Variants in EPHB2 observed in about 807,000 individuals in gnomAD.
EPHB2 encodes the protein EPH receptor B2.
In EPHB2, 18 loss-of-function variants were observed where a neutral mutation model predicts 96.4. The ratio of observed to expected loss-of-function variants is 0.19; its 90% CI spans 0.13 to 0.28. The LOEUF (loss-of-function observed/expected upper bound fraction) is 0.28. EPHB2 is among the 10% of genes least tolerant of loss of function. EPHB2 has a pLI of 1.00. For missense variants in EPHB2, 989 were observed against 1,355.4 expected (o/e 0.73, Z 4.25); for synonymous variants, 506 against 534.1 (o/e 0.95, Z 0.72).
intron 1 of EPHB2, among the ~76,000 whole-genome samples, chr1:22,752,130 G>C (rs978908785): frequency 6.6e-6 from 1 of 152,200 alleles, no homozygotes; most frequent in African/African-American, 2.4e-5. Flanking sequence ...GAGTGTTCTT[G>C]GAAATGTCTG....
chr1:22,782,328 A>C (rs1387945512), intron 2 of EPHB2, among the ~76,000 whole-genome samples: 1 of 152,126 alleles, frequency 6.6e-6, no homozygotes, highest in East Asian at 1.9e-4. Flanking sequence ...CATCATCATC[A>C]TTGTCATTGT....
chr1:22,716,647 A>G (rs925357012), intron 1 of EPHB2, among the ~76,000 whole-genome samples: 1 of 152,112 alleles, frequency 6.6e-6, no homozygotes, highest in Non-Finnish European at 1.5e-5. Context: ...CCTGGGACAG[A>G]TTCTATGGGC....
At chr1:22,712,835 G>A (rs1021090187) in intron 1 of EPHB2, among the ~76,000 whole-genome samples, 2 of 152,212 alleles carry the variant, frequency 1.3e-5, no homozygotes, top group African/African-American at 4.8e-5. Context: ...GCTATACATT[G>A]GGATGTTTAC....
chr1:22,825,209 G>A (rs911051022), intron 3 of EPHB2, among the ~76,000 whole-genome samples: 4 of 152,178 alleles, frequency 2.6e-5, no homozygotes, highest in East Asian at 3.8e-4. Flanking sequence ...AGCCCCATTC[G>A]TTAGTTATAC....
At chr1:22,810,276 CA>C (rs1644984617) in intron 3 of EPHB2, among the ~76,000 whole-genome samples, 1 of 152,162 alleles carries the variant, frequency 6.6e-6, no homozygotes, top group African/African-American at 2.4e-5. Flanking sequence ...CAACACCATG[CA>C]GCAGGGGCCC....
At chr1:22,879,299 G>A (rs989753929) in intron 5 of EPHB2, among the ~76,000 whole-genome samples, 6 of 152,204 alleles carry the variant, frequency 3.9e-5, no homozygotes, top group South Asian at 2.1e-4. Flanking sequence ...GGTGCTTCCC[G>A]GGCCAGCACA....
chr1:22,847,546 A>C (rs2148505079), intron 3 of EPHB2, among the ~76,000 whole-genome samples: 1 of 152,294 alleles, frequency 6.6e-6, no homozygotes, highest in South Asian at 2.1e-4. Flanking sequence ...AAGCTTTGAA[A>C]CGGGGGAGAG....
chr1:22,729,491 C>T (rs1204262931), intron 1 of EPHB2, among the ~76,000 whole-genome samples: 1 of 152,220 alleles, frequency 6.6e-6, no homozygotes, highest in Non-Finnish European at 1.5e-5. Context: ...GTGCGGCCTG[C>T]TTCCTGCCTA....
intron 3 of EPHB2, among the ~76,000 whole-genome samples, chr1:22,853,092 T>C (rs1645647228): frequency 6.6e-6 from 1 of 152,234 alleles, no homozygotes; most frequent in African/African-American, 2.4e-5. Context: ...GGCTCATGCC[T>C]GTAATCCCAG....
chr1:22,912,456 G>T lies in EPHB2; in HGVS notation c.2709G>T (p.Pro903=). The T allele has an allele frequency of 6.2e-7, 1 of 1,613,976 alleles. No individual in the cohort carries two copies. Among genetic ancestry groups the T allele is most frequent in the Non-Finnish European group, 8.5e-7 (1 of 1,180,008 alleles). Residue 903 remains proline (P), a synonymous_variant, in exon 15 of 16, where the codon CCG becomes CCT. Coordinates refer to ENST00000374630, the MANE Select transcript of EPHB2 (RefSeq NM_017449.5). ...CCCCCAACCCCAGCATCAACCTGCC[G>T]CTGCTGGACCGCACGATCCCCGACT... The part of the protein sequence containing the change: ...MAPLSSGINL[P]LLDRTIPDYT...
intron 3 of EPHB2, among the ~76,000 whole-genome samples, chr1:22,811,596 C>T (rs569752770): frequency 1.3e-5 from 2 of 152,314 alleles, no homozygotes; most frequent in Admixed American, 1.3e-4. Context: ...CATCCAGGCC[C>T]CATATGATTC....
At chr1:22,799,109 GGGT>G (rs917024499) in intron 3 of EPHB2, among the ~76,000 whole-genome samples, 3 of 152,148 alleles carry the variant, frequency 2.0e-5, no homozygotes, top group African/African-American at 7.2e-5. Flanking sequence ...CAGAATCCCT[GGGT>G]ACAAATTTGA....
rs887497231 is a variant in EPHB2, at chr1:22,906,349, C to A, written c.1888+240C>A. Among the ~76,000 whole-genome samples, 1 of 152,108 alleles carries A rather than the reference C, an allele frequency of 6.6e-6. No individual in the cohort carries two copies. Among genetic ancestry groups the A allele is most frequent in the South Asian group, 2.1e-4 (1 of 4,816 alleles). ...CTGGGAGGGGACATGCACAGTGAGTCAGAGATTGAGCTGGGTCTGGAGCCC... is the reference window on the plus strand; with the variant it reads ...CTGGGAGGGGACATGCACAGTGAGTAAGAGATTGAGCTGGGTCTGGAGCCC... On this transcript the variant is annotated intron_variant, in intron 10 of 15. Coordinates refer to ENST00000374630, the MANE Select transcript of EPHB2 (RefSeq NM_017449.5). This position sits in a 1 kb window ranked among gnomAD's most constrained non-coding sequence, Gnocchi z 4.8.
chr1:22,750,011 C>T (rs1364479583), intron 1 of EPHB2, among the ~76,000 whole-genome samples: 1 of 152,162 alleles, frequency 6.6e-6, no homozygotes, highest in Non-Finnish European at 1.5e-5. Context: ...TGTGCAAAGA[C>T]CTTAACCTGC....
In EPHB2 at chr1:22,863,130, A is replaced by G. The variant is rs765604107; in HGVS notation, c.905A>G (p.Asn302Ser). ...CGGACCACTTCTGAAGGGGCCACCA[A>G]CTGTGTCTGCCGCAATGGCTACTAC... ...NSRTTSEGAT[N>S]CVCRNGYYRA... The change falls in exon 4 of 16, where the codon AAC becomes AGC. Residue 302 changes from asparagine to serine, a missense_variant. Asn to Ser is a conservative substitution (Grantham distance 46). Transcript: ENST00000374630. The G allele has an allele frequency of 1.2e-6, 2 of 1,614,176 alleles. No individual in the cohort carries two copies. The highest frequency in any genetic ancestry group is 2.2e-5 in the South Asian group (2 of 91,088).
chr1:22,759,461 C>G (rs1029541861), intron 1 of EPHB2, among the ~76,000 whole-genome samples: 1 of 152,126 alleles, frequency 6.6e-6, no homozygotes, highest in Non-Finnish European at 1.5e-5. Context: ...CTGTCTTGCC[C>G]CAAGGGATGG....
intron 1 of EPHB2, among the ~76,000 whole-genome samples, chr1:22,754,906 A>G: frequency 7.5e-6 from 1 of 134,202 alleles, no homozygotes; most frequent in Admixed American, 7.6e-5. Flanking sequence ...AGAGGAGGTG[A>G]GGCGAGGGGC....
chr1:22,908,728 G>C (rs1165991834), intron 12 of EPHB2, among the ~76,000 whole-genome samples: 1 of 152,218 alleles, frequency 6.6e-6, no homozygotes, highest in Non-Finnish European at 1.5e-5. Context: ...TCCTTGATGG[G>C]GAGACATAAG....
chr1:22,754,888 C>G (rs76420372), intron 1 of EPHB2, among the ~76,000 whole-genome samples: 21 of 5,816 alleles, frequency 3.6e-3, no homozygotes, highest in South Asian at 0.014. Flanking sequence ...TGAGGTGAGG[C>G]GAGGGGCAGA....
Sources: allele counts gnomAD v4.1 joint callset (sites outside exome capture counted in the v4.1 genomes callset), GRCh38; gene constraint gnomAD v4.1.1; non-coding constraint Gnocchi (gnomAD v3.1); transcripts MANE v1.5; gene names NCBI Gene and HGNC (gene_info 2026-07-23, HGNC 2026-07-21).